DNAJB6: variants seen among roughly 807,000 people sequenced by gnomAD.
DNAJB6 encodes DnaJ heat shock protein family (Hsp40) member B6.
In DNAJB6, 16 loss-of-function variants were observed where a neutral mutation model predicts 42.7. The ratio of observed to expected loss-of-function variants is 0.37; its 90% CI spans 0.25 to 0.57. DNAJB6 has a LOEUF of 0.57. Ranked by LOEUF, DNAJB6 falls within the 20% of genes least tolerant of loss-of-function variation. The pLI, the probability that DNAJB6 is intolerant of heterozygous loss-of-function variation, is 0.74. For synonymous variants in DNAJB6, 170 were observed against 163.5 expected (o/e 1.04, Z -0.30); for missense variants, 347 against 416.8 (o/e 0.83, Z 1.46).
Position 157,409,833 on chromosome 7 carries a change from C to A in DNAJB6, c.730C>A (p.Arg244=), listed in dbSNP as rs752973130. Residue 244 remains arginine, a synonymous_variant, in exon 9 of 10, where the codon CGG becomes AGG. Transcript: ENST00000262177. ...DDDALAEERM[R]RGQNALPAQP... is the part of the protein sequence containing the mutation. ...CGATGCCCTCGCTGAGGAGCGCATG[C>A]GGAGAGGCCAGAACGCCCTGCCAGC... 3 of 1,533,432 alleles carry A rather than the reference C, an allele frequency of 2.0e-6. No homozygotes were observed. The highest frequency in any genetic ancestry group is 2.6e-6 in the Non-Finnish European group (3 of 1,145,480). The allele number at this position is 1,533,432 out of a possible 1,614,324, so 95.0% of individuals were successfully genotyped here.
chr7:157,369,118 G>A (rs1042642775), intron 5 of DNAJB6: 16 of 369,108 alleles, frequency 4.3e-5, no homozygotes, highest in African/African-American at 1.1e-4. Flanking sequence ...CTGAGCAGGC[G>A]ATTTCCGATT....
At chr7:157,346,216 G>C (rs760984545) in intron 1 of DNAJB6, among the ~76,000 whole-genome samples, 20 of 148,628 alleles carry the variant, frequency 1.3e-4, no homozygotes, top group Non-Finnish European at 2.4e-4. Flanking sequence ...TGCCACAAAT[G>C]GTGTCTTTTA....
intron 5 of DNAJB6, chr7:157,380,886 T>TGCGGGTCCTGGGGGTACCCA (rs1800731036): frequency 1.3e-5 from 2 of 152,590 alleles, no homozygotes; most frequent in South Asian, 2.1e-4. Context: ...ATTTACTATT[T>TGCGGGTCCTGGGGGTACCCA]GCGGGTCCTG....
At chr7:157,358,692 G>A (rs1444871242) in intron 2 of DNAJB6, 55 bp downstream of exon 2, 9 of 1,392,206 alleles carry the variant, frequency 6.5e-6, no homozygotes, top group African/African-American at 1.4e-5. Flanking sequence ...ATTGGTAATT[G>A]AGTAGTATAA....
chr7:157,365,958 G>GTA (rs1799822047), intron 3 of DNAJB6, among the ~76,000 whole-genome samples: 3 of 114,952 alleles, frequency 2.6e-5, no homozygotes, highest in Non-Finnish European at 5.9e-5. Flanking sequence ...GCTACCTCGC[G>GTA]TGGCTAAGTC....
chr7:157,377,026 G>GA (rs1159047120), intron 5 of DNAJB6, among the ~76,000 whole-genome samples: 2 of 152,140 alleles, frequency 1.3e-5, no homozygotes, highest in East Asian at 3.9e-4. Context: ...TGGGATCATA[G>GA]AAAAAAAATG....
intron 8 of DNAJB6, among the ~76,000 whole-genome samples, chr7:157,391,182 A>G (rs940853079): frequency 2.6e-5 from 4 of 152,198 alleles, no homozygotes; most frequent in Admixed American, 1.3e-4. Context: ...TAGGAACAGC[A>G]GTTGGAGCAG....
intron 1 of DNAJB6, among the ~76,000 whole-genome samples, chr7:157,341,810 G>A (rs1211516627): frequency 6.6e-6 from 1 of 152,194 alleles, no homozygotes; most frequent in Non-Finnish European, 1.5e-5. Flanking sequence ...ATGGAATCCA[G>A]AATTCAAGAA....
At chr7:157,400,090 A>T (rs1383246301) in intron 8 of DNAJB6, among the ~76,000 whole-genome samples, 24 of 152,364 alleles carry the variant, frequency 1.6e-4, no homozygotes, top group African/African-American at 5.5e-4. Context: ...TAAAGCCAAA[A>T]CATGAAGTAG....
intron 2 of DNAJB6, among the ~76,000 whole-genome samples, chr7:157,358,882 A>T (rs576402185): frequency 2.0e-5 from 3 of 152,238 alleles, no homozygotes; most frequent in Admixed American, 2.0e-4. Context: ...AGGATGTGAG[A>T]TAATCCCAAA....
chr7:157,351,310 A>G (rs1442252910), intron 1 of DNAJB6, among the ~76,000 whole-genome samples: 1 of 152,106 alleles, frequency 6.6e-6, no homozygotes, highest in East Asian at 1.9e-4. Context: ...CTCCCAACTC[A>G]TGGTTTTACC....
chr7:157,399,052 C>T (rs192786643), intron 8 of DNAJB6, among the ~76,000 whole-genome samples: 16 of 152,304 alleles, frequency 1.1e-4, no homozygotes, highest in East Asian at 9.6e-4. Context: ...TGAGGCTGAA[C>T]GGCAGTGAAT....
chr7:157,349,453 T>A (rs981736878), intron 1 of DNAJB6, among the ~76,000 whole-genome samples: 12 of 151,806 alleles, frequency 7.9e-5, no homozygotes, highest in African/African-American at 2.9e-4. Flanking sequence ...TGACCCCAGG[T>A]TAGAAAAGAC....
At chr7:157,392,927 C>T (rs776296554) in intron 8 of DNAJB6, among the ~76,000 whole-genome samples, 12 of 152,144 alleles carry the variant, frequency 7.9e-5, no homozygotes, top group Admixed American at 2.6e-4. Flanking sequence ...GTACGCCTTA[C>T]ATTGCTTTTT....
intron 8 of DNAJB6, among the ~76,000 whole-genome samples, chr7:157,404,939 G>C (rs991761650): frequency 6.6e-6 from 1 of 152,208 alleles, no homozygotes; most frequent in African/African-American, 2.4e-5. Flanking sequence ...GTGCCAGCCT[G>C]TGCAGTGTTT....
chr7:157,384,842 AT>A, intron 6 of DNAJB6, 24 bp from the exon 7 acceptor site: 1 of 1,602,432 alleles, frequency 6.2e-7, no homozygotes. Context: ...TTCTTTAAGC[AT>A]TTTTCTTTTC....
intron 1 of DNAJB6, among the ~76,000 whole-genome samples, chr7:157,338,565 C>T (rs984931195): frequency 6.6e-6 from 1 of 152,128 alleles, no homozygotes. Flanking sequence ...GAACTTATGA[C>T]CTAAAGTGAT....
chr7:157,350,828 C>T lies in DNAJB6; in HGVS notation c.-26-7719C>T, dbSNP rs116356467. Among the ~76,000 whole-genome samples, 702 of 149,812 alleles carry T rather than the reference C, an allele frequency of 4.7e-3. 4 individuals are homozygous for T. Among genetic ancestry groups the T allele is most frequent in the African/African-American group, 0.016 (663 of 40,566 alleles). On this transcript the variant is annotated intron_variant, in intron 1 of 9. Transcript: ENST00000262177. The stretch of plus-strand genomic sequence containing the variant: ...CCTCAGCCTCCCGAGTCTTAGCTGG[C>T]GTTACAGGTGTTAGCCACCAGACCT...
At chr7:157,404,354 G>GATCACAGCTCACTGGAGTGCAGTGGTGCA (rs1563150409) in intron 8 of DNAJB6, among the ~76,000 whole-genome samples, 8 of 150,326 alleles carry the variant, frequency 5.3e-5, no homozygotes, top group African/African-American at 2.0e-4. Context: ...GCAGTGGTGC[G>GATCACAGCTCACTGGAGTGCAGTGGTGCA]ATCACAGCTC....
Sources: allele counts gnomAD v4.1 joint callset (sites outside exome capture counted in the v4.1 genomes callset), GRCh38; gene constraint gnomAD v4.1.1; transcripts MANE v1.5; gene names NCBI Gene and HGNC (gene_info 2026-07-23, HGNC 2026-07-21).